Variants in TSPAN5 observed in about 807,000 individuals in gnomAD.
TSPAN5 encodes the protein tetraspanin-5.
TSPAN5 carries 10 observed loss-of-function variants against 37.1 expected under a neutral mutation model. The observed-to-expected ratio is 0.27, with a 90% CI of 0.17 to 0.46. The LOEUF (loss-of-function observed/expected upper bound fraction) is 0.46, where lower values mean the gene tolerates loss of function less well. TSPAN5 is among the 20% of genes least tolerant of loss of function. The probability of loss-of-function intolerance (pLI) is 1.00; values close to 1 mark genes in which losing one functional copy is unlikely to be tolerated. For missense variants in TSPAN5, 195 were observed against 326.6 expected, an observed-to-expected ratio of 0.60 and a Z score of 3.11; for synonymous variants, 110 against 118.9, an observed-to-expected ratio of 0.93 and a Z score of 0.48.
At chr4:98,481,046 G>A (rs922030535) in intron 4 of TSPAN5, among the ~76,000 whole-genome samples, 5 of 151,712 alleles carry the variant, frequency 3.3e-5, no homozygotes, top group African/African-American at 9.7e-5. Context: ...TTGCCCTCCG[G>A]TCCTGCCATA....
rs1753292992 is a variant in TSPAN5, at chr4:98,499,533, A to G, written c.132+8145T>C. Among the ~76,000 whole-genome samples the G allele has an allele frequency of 1.3e-5, 2 of 152,214 alleles. 1 individual carries two copies. The highest frequency in any genetic ancestry group is 4.1e-4 in the South Asian group (2 of 4,826). The stretch of plus-strand genomic sequence containing the variant: ...CCCCACTGAATACAGTTTAAAGGGG[A>G]ATACATAGAGAAACATTAAATTTTC... On this transcript the variant is annotated intron_variant, in intron 2 of 7. Transcript: ENST00000305798.
chr4:98,583,423 T>C (rs1339389481), intron 1 of TSPAN5, among the ~76,000 whole-genome samples: 1 of 146,024 alleles, frequency 6.8e-6, no homozygotes, highest in Non-Finnish European at 1.5e-5. Context: ...CCCTCCACCC[T>C]CCACCAGGCC....
At chr4:98,574,168 A>C (rs1158245922) in intron 1 of TSPAN5, among the ~76,000 whole-genome samples, 1 of 152,194 alleles carries the variant, frequency 6.6e-6, no homozygotes, top group Non-Finnish European at 1.5e-5. Context: ...TTAATCCTCA[A>C]GTTAACCCGT....
chr4:98,608,586 C>T (rs909557375), intron 1 of TSPAN5, among the ~76,000 whole-genome samples: 5 of 152,158 alleles, frequency 3.3e-5, no homozygotes, highest in African/African-American at 1.2e-4. Context: ...GCCCAGGTCA[C>T]CTGACCCCAA....
chr4:98,479,850 T>C (rs1752796222), intron 4 of TSPAN5, among the ~76,000 whole-genome samples: 1 of 152,230 alleles, frequency 6.6e-6, no homozygotes, highest in Non-Finnish European at 1.5e-5. Flanking sequence ...ACACACTATA[T>C]TGTAAATTCT....
intron 1 of TSPAN5, among the ~76,000 whole-genome samples, chr4:98,530,592 T>G (rs757376105): frequency 6.6e-6 from 1 of 152,166 alleles, no homozygotes; most frequent in African/African-American, 2.4e-5. Context: ...AATAAGGGAA[T>G]GGGAGCTAAA....
chr4:98,602,284 G>C (rs192246893), intron 1 of TSPAN5, among the ~76,000 whole-genome samples: 1 of 152,214 alleles, frequency 6.6e-6, no homozygotes, highest in Non-Finnish European at 1.5e-5. Flanking sequence ...TATGTGAAGA[G>C]CAATAAAGTG....
intron 1 of TSPAN5, among the ~76,000 whole-genome samples, chr4:98,637,318 G>T (rs1455573960): frequency 6.6e-6 from 1 of 152,080 alleles, no homozygotes. Flanking sequence ...GGCCCTCAGG[G>T]ATAAGAGGTC....
At chr4:98,521,088 C>T (rs1001220469) in intron 1 of TSPAN5, among the ~76,000 whole-genome samples, 16 of 152,132 alleles carry the variant, frequency 1.1e-4, no homozygotes, top group Non-Finnish European at 7.4e-5. Flanking sequence ...CGTGCCACCA[C>T]GCCTGGCTAA....
At chr4:98,536,660 A>G (rs1227807420) in intron 1 of TSPAN5, among the ~76,000 whole-genome samples, 1 of 152,190 alleles carries the variant, frequency 6.6e-6, no homozygotes, top group East Asian at 1.9e-4. Context: ...TAAGTCCCTG[A>G]CTGGGGCTGC....
intron 1 of TSPAN5, among the ~76,000 whole-genome samples, chr4:98,514,526 G>C (rs1753687329): frequency 6.6e-6 from 1 of 152,180 alleles, no homozygotes; most frequent in Non-Finnish European, 1.5e-5. Context: ...GTCCCAGTTT[G>C]TACATTCAAA....
At chr4:98,520,424 C>A (rs370159667) in intron 1 of TSPAN5, among the ~76,000 whole-genome samples, 3 of 152,148 alleles carry the variant, frequency 2.0e-5, no homozygotes. Flanking sequence ...TTGGGAGGCA[C>A]GGAAACTGCC....
Position 98,476,422 on chromosome 4 carries a change from C to T in TSPAN5, c.615G>A (p.Arg205=), listed in dbSNP as rs1752698309. Reference sequence around the variant, plus strand: ...ATGAGATTCCACTTACTGGTTTTTGCCTGGCATCATAGCCACACTGAGTGT... The same window carrying T: ...ATGAGATTCCACTTACTGGTTTTTGTCTGGCATCATAGCCACACTGAGTGT... ...VINTQCGYDA[R]QKPEVDQQIV... is the part of the protein sequence containing the mutation. Residue 205 remains arginine (R), a synonymous_variant, in exon 6 of 8, where the codon AGG becomes AGA. Transcript: ENST00000305798. The T allele has an allele frequency of 1.2e-6, 2 of 1,614,080 alleles. No homozygotes were observed. The highest frequency in any genetic ancestry group is 1.7e-6 in the Non-Finnish European group (2 of 1,180,048).
chr4:98,632,656 G>A (rs897617363), intron 1 of TSPAN5, among the ~76,000 whole-genome samples: 10 of 152,138 alleles, frequency 6.6e-5, no homozygotes, highest in South Asian at 6.2e-4. Flanking sequence ...ACTGCCTAGC[G>A]CAAGATACAG....
chr4:98,546,055 T>C (rs1754463526), intron 1 of TSPAN5, among the ~76,000 whole-genome samples: 1 of 152,190 alleles, frequency 6.6e-6, no homozygotes, highest in Non-Finnish European at 1.5e-5. Context: ...ATTAATAATG[T>C]ATTAATAATA....
chr4:98,516,389 T>C lies in TSPAN5; in HGVS notation c.82-8661A>G, dbSNP rs114404354. Among the ~76,000 whole-genome samples, 360 of 152,302 alleles carry C rather than the reference T, an allele frequency of 2.4e-3. 3 individuals carry two copies. The highest frequency in any genetic ancestry group is 0.01 in the Middle Eastern group (3 of 294). On this transcript the variant is annotated intron_variant, in intron 1 of 7. Coordinates refer to ENST00000305798, the MANE Select transcript of TSPAN5 (RefSeq NM_005723.4). ...TAGACTGGGGGATATTATGTAGATATAGAAAGTAGAAAAGAGACCCAGAGT... is the reference window on the plus strand; with the variant it reads ...TAGACTGGGGGATATTATGTAGATACAGAAAGTAGAAAAGAGACCCAGAGT...
At chr4:98,533,433 A>G (rs191315176) in intron 1 of TSPAN5, among the ~76,000 whole-genome samples, 122 of 151,748 alleles carry the variant, frequency 8.0e-4, no homozygotes, top group African/African-American at 2.7e-3. Flanking sequence ...TTATGTGTCC[A>G]GGATTTATCC....
At chr4:98,538,432 G>C (rs965526380) in intron 1 of TSPAN5, among the ~76,000 whole-genome samples, 1 of 152,164 alleles carries the variant, frequency 6.6e-6, no homozygotes, top group Non-Finnish European at 1.5e-5. Flanking sequence ...AGGTCCACAG[G>C]ATGGACAGGG....
At chr4:98,624,538 T>C (rs1756550687) in intron 1 of TSPAN5, among the ~76,000 whole-genome samples, 2 of 152,212 alleles carry the variant, frequency 1.3e-5, no homozygotes, top group Admixed American at 6.5e-5. Context: ...TTGTTTGTTT[T>C]GTAGAGGAGG....
Sources: gnomAD v4.1 joint callset for allele counts (sites outside exome capture counted in the v4.1 genomes callset) on GRCh38, gnomAD v4.1.1 for gene constraint, MANE v1.5 for transcripts, NCBI Gene and HGNC (gene_info 2026-07-23, HGNC 2026-07-21) for gene names.